Variants in SH3RF3 observed in about 807,000 individuals in gnomAD.
SH3RF3 encodes the protein E3 ubiquitin-protein ligase SH3RF3.
In SH3RF3, 29 loss-of-function variants were observed where a neutral mutation model predicts 66.3. That is an observed-to-expected ratio of 0.44 (90% CI 0.33 to 0.60). The LOEUF (loss-of-function observed/expected upper bound fraction) is 0.60, where lower values mean the gene tolerates loss of function less well. Ranked by LOEUF, SH3RF3 falls within the 20% of genes least tolerant of loss-of-function variation. The pLI is 0.04. For missense variants in SH3RF3, 1,194 were observed against 1,190.9 expected, an observed-to-expected ratio of 1.00 and a Z score of -0.04; for synonymous variants, 583 against 532.0, an observed-to-expected ratio of 1.10 and a Z score of -1.32.
At chr2:109,216,402 G>A (rs1323259106) in intron 1 of SH3RF3, among the ~76,000 whole-genome samples, 1 of 152,218 alleles carries the variant, frequency 6.6e-6, no homozygotes, top group Admixed American at 6.5e-5. Context: ...GTGTTAAAAC[G>A]GTGAGATCCA....
intron 8 of SH3RF3, among the ~76,000 whole-genome samples, chr2:109,450,732 C>T (rs1677843428): frequency 1.3e-5 from 2 of 152,180 alleles, no homozygotes; most frequent in African/African-American, 4.8e-5. Context: ...GCTCAGGGCC[C>T]ATGCACTGCC....
intron 6 of SH3RF3, among the ~76,000 whole-genome samples, chr2:109,434,166 T>A (rs1032840484): frequency 2.7e-4 from 41 of 152,322 alleles, no homozygotes; most frequent in African/African-American, 9.9e-4. Context: ...GTTAGGGGAC[T>A]CCCTGACCAG....
At chr2:109,234,496 C>G (rs1679596772) in intron 1 of SH3RF3, among the ~76,000 whole-genome samples, 1 of 152,258 alleles carries the variant, frequency 6.6e-6, no homozygotes, top group Non-Finnish European at 1.5e-5. Context: ...ACATTCTTCT[C>G]AGCGAGTAGC....
intron 1 of SH3RF3, among the ~76,000 whole-genome samples, chr2:109,236,078 C>CTAT (rs1211993217): frequency 6.6e-6 from 1 of 152,188 alleles, no homozygotes; most frequent in Non-Finnish European, 1.5e-5. Flanking sequence ...TCGCCTTGAC[C>CTAT]TATTATAATA....
chr2:109,490,551 A>G (rs1002394955), intron 8 of SH3RF3, 54 bp from the exon 9 acceptor site: 1 of 1,324,460 alleles, frequency 7.6e-7, no homozygotes, highest in Non-Finnish European at 9.8e-7. Flanking sequence ...CTCTGACAGC[A>G]AGGGCATTGG....
chr2:109,403,947 G>A (rs559311002), intron 4 of SH3RF3, among the ~76,000 whole-genome samples: 5 of 152,334 alleles, frequency 3.3e-5, no homozygotes, highest in South Asian at 2.1e-4. Flanking sequence ...CTTGGTAGGT[G>A]TACCTTGAGT....
In SH3RF3 at chr2:109,432,635, G is replaced by C; in HGVS notation, c.1538G>C (p.Gly513Ala). The change falls in exon 6 of 10, where the codon GGG becomes GCG. Residue 513 changes from glycine to alanine, a missense_variant. Transcript: ENST00000309415. The part of the protein sequence containing the change: ...KGASLRTGVS[G>A]VFPGNYVTPV... ...GCGTCTCTGAGGACCGGGGTCTCTG[G>C]GGTGTTCCCCGGAAACTACGTGACA... is the stretch of plus-strand genomic sequence containing the variant. 1 of 1,612,956 alleles carries C rather than the reference G, an allele frequency of 6.2e-7. No individual in the cohort carries two copies. The highest frequency in any genetic ancestry group is 8.5e-7 in the Non-Finnish European group (1 of 1,179,562).
chr2:109,180,287 G>A (rs1008379561), intron 1 of SH3RF3, among the ~76,000 whole-genome samples: 21 of 152,118 alleles, frequency 1.4e-4, no homozygotes, highest in African/African-American at 3.6e-4. Context: ...CTCTGAGTCC[G>A]CTGCCTTTCC....
chr2:109,455,435 A>G (rs962532027), intron 8 of SH3RF3, among the ~76,000 whole-genome samples: 1 of 152,256 alleles, frequency 6.6e-6, no homozygotes, highest in African/African-American at 2.4e-5. Flanking sequence ...ACCCATAATG[A>G]CAGCAGCAAG....
chr2:109,201,073 G>A (rs1026400654), intron 1 of SH3RF3, among the ~76,000 whole-genome samples: 3 of 152,212 alleles, frequency 2.0e-5, no homozygotes, highest in Admixed American at 1.3e-4. Flanking sequence ...AAGCAGCCGT[G>A]CTCAGGGACT....
chr2:109,240,352 G>A (rs2105216995), intron 1 of SH3RF3, among the ~76,000 whole-genome samples: 1 of 152,242 alleles, frequency 6.6e-6, no homozygotes, highest in East Asian at 1.9e-4. Context: ...GTCAGGTGTG[G>A]TGGCTCATGC....
chr2:109,139,901 C>T (rs571998274), intron 1 of SH3RF3, among the ~76,000 whole-genome samples: 38 of 152,284 alleles, frequency 2.5e-4, no homozygotes, highest in African/African-American at 9.1e-4. Flanking sequence ...AAAGGCAGCG[C>T]CACTGGGGCT....
At position 109,432,550 on chromosome 2, in the gene SH3RF3, C is replaced by G; in HGVS notation, c.1453C>G (p.Leu485Val). ...YKPQKSDELE[L>V]HKGEMYRVLE... ...GCCCCAGAAGAGTGACGAGCTGGAG[C>G]TGCACAAGGGAGAGATGTACCGGGT... The change falls in exon 6 of 10, where the codon CTG becomes GTG. Residue 485 changes from leucine to valine, a missense_variant. Coordinates refer to ENST00000309415, the MANE Select transcript of SH3RF3 (RefSeq NM_001099289.3). The G allele has an allele frequency of 6.2e-7, 1 of 1,613,698 alleles. No homozygotes were observed. Among genetic ancestry groups the G allele is most frequent in the African/African-American group, 1.3e-5 (1 of 75,056 alleles).
intron 1 of SH3RF3, among the ~76,000 whole-genome samples, chr2:109,203,384 G>A (rs1235347282): frequency 6.6e-6 from 1 of 152,302 alleles, no homozygotes; most frequent in East Asian, 1.9e-4. Flanking sequence ...GGATGGCCTT[G>A]GGAGGGTGTT....
chr2:109,270,249 G>C (rs545329171), intron 1 of SH3RF3, among the ~76,000 whole-genome samples: 1 of 152,190 alleles, frequency 6.6e-6, no homozygotes, highest in Non-Finnish European at 1.5e-5. Flanking sequence ...GGTTAGGCTG[G>C]AACACCTGAA....
Position 109,376,002 on chromosome 2 carries a change from G to T in SH3RF3, c.945+4321G>T, listed in dbSNP as rs116876126. Reference sequence around the variant, plus strand: ...CCTCAGTTTCCCCCTTCAAACAAGGGCAGTGGCAGACGTCATGGGCTAGCC... The same window carrying T: ...CCTCAGTTTCCCCCTTCAAACAAGGTCAGTGGCAGACGTCATGGGCTAGCC... On this transcript the variant is annotated intron_variant, in intron 3 of 9. Transcript: ENST00000309415. Among the ~76,000 whole-genome samples, 953 of 152,364 alleles carry T rather than the reference G, an allele frequency of 6.3e-3. 9 individuals are homozygous for T. Among genetic ancestry groups the T allele is most frequent in the East Asian group, 0.046 (240 of 5,174 alleles).
At chr2:109,488,590 C>T (rs561445290) in intron 8 of SH3RF3, among the ~76,000 whole-genome samples, 11 of 152,320 alleles carry the variant, frequency 7.2e-5, no homozygotes, top group African/African-American at 1.7e-4. Flanking sequence ...GTTCTGCCCC[C>T]GACCCCTCAC....
intron 8 of SH3RF3, among the ~76,000 whole-genome samples, chr2:109,480,607 G>T (rs1276675296): frequency 2.0e-5 from 3 of 152,180 alleles, no homozygotes; most frequent in African/African-American, 2.4e-5. Flanking sequence ...CAGCCATGGG[G>T]TGCTCTCTGC....
intron 1 of SH3RF3, among the ~76,000 whole-genome samples, chr2:109,334,658 A>G (rs1378987415): frequency 6.6e-6 from 1 of 152,182 alleles, no homozygotes; most frequent in African/African-American, 2.4e-5. Context: ...CACACTTAAT[A>G]ATGCAGACAA....
Sources: gnomAD v4.1 joint callset for allele counts (sites outside exome capture counted in the v4.1 genomes callset) on GRCh38, gnomAD v4.1.1 for gene constraint, MANE v1.5 for transcripts, NCBI Gene and HGNC (gene_info 2026-07-23, HGNC 2026-07-21) for gene names.